Variants in MMP3 observed in about 807,000 individuals in gnomAD.
MMP3 encodes the protein matrix metallopeptidase 3, also known as stromelysin-1.
A neutral mutation model predicts 47.3 loss-of-function variants in MMP3; 46 were observed. The ratio of observed to expected loss-of-function variants is 0.97; its 90% CI spans 0.77 to 1.24. The LOEUF (loss-of-function observed/expected upper bound fraction) is 1.24, where lower values mean the gene tolerates loss of function less well. MMP3 is among the 50% of genes most tolerant of loss of function. The probability of loss-of-function intolerance (pLI) is 0.00; values close to 1 mark genes in which losing one functional copy is unlikely to be tolerated. For synonymous variants in MMP3, 216 were observed against 206.5 expected, an observed-to-expected ratio of 1.05 and a Z score of -0.39; for missense variants, 558 against 565.5, an observed-to-expected ratio of 0.99 and a Z score of 0.13.
At position 102,837,194 on chromosome 11, in the gene MMP3, C is replaced by G. The variant is rs773123925; in HGVS notation, c.1333+104G>C. On this transcript the variant is annotated intron_variant, in intron 9 of 9. Transcript: ENST00000299855. The surrounding 1 kb of genome is among the most constrained non-coding windows in gnomAD (Gnocchi z 4.4). ...ATCAAAATTTTGAGAAGGGAACTGG[C>G]CCTAAGAAACACTTGTTATTAAAAA... The G allele has an allele frequency of 2.2e-5, 18 of 807,420 alleles. No individual in the cohort carries two copies. Among genetic ancestry groups the G allele is most frequent in the Non-Finnish European group, 3.7e-5 (18 of 492,864 alleles). 50.0% of individuals were successfully genotyped at this position (807,420 alleles called of 1,614,324 possible).
rs1859019050 is a variant in MMP3, at chr11:102,842,412, T to C, written c.499+19A>G. 1 of 1,421,448 alleles carries C rather than the reference T, an allele frequency of 7.0e-7. No homozygotes were observed. The allele number at this position is 1,421,448 out of a possible 1,614,324, so 88.1% of individuals were successfully genotyped here. ...TGTTTTGTTTTGTTTTGCTTTTTTT[T>C]TTTTTTTTTTTTTTTTACCTCTAAC... On this transcript the variant is annotated intron_variant, in intron 3 of 9. Coordinates refer to ENST00000299855, the MANE Select transcript of MMP3 (RefSeq NM_002422.5).
Position 102,836,418 on chromosome 11 carries a change from A to G in MMP3, c.1334-192T>C, listed in dbSNP as rs536209537. Reference sequence around the variant, plus strand: ...TTCTGCAACAACCCTATGAGGTTGTATGTCTAACTCCATTTACAGATTGAG... The same window carrying G: ...TTCTGCAACAACCCTATGAGGTTGTGTGTCTAACTCCATTTACAGATTGAG... On this transcript the variant is annotated intron_variant, in intron 9 of 9. Transcript: ENST00000299855. The surrounding 1 kb of genome is among the most constrained non-coding windows in gnomAD (Gnocchi z 4.6). 1.3e-3 allele frequency: 869 copies of G among 654,472 alleles called. 2 individuals are homozygous for G. The highest frequency in any genetic ancestry group is 2.0e-3 in the Non-Finnish European group (699 of 346,066). The allele number at this position is 654,472 out of a possible 1,614,324, so 40.5% of individuals were successfully genotyped here. A position where few individuals can be genotyped will look rare whatever the true frequency, so the allele number is the denominator to read the frequency against.
chr11:102,838,539 CT>C lies in MMP3; in HGVS notation c.1229+11del. On this transcript the variant is annotated intron_variant, in intron 8 of 9. Coordinates refer to ENST00000299855, the MANE Select transcript of MMP3 (RefSeq NM_002422.5). The stretch of plus-strand genomic sequence containing the variant: ...TTAGGCTCCATACAAAGTCATTTCT[CT>C]TGCATCTCACCTCCAGTATTTGTCC... 6.2e-7 allele frequency: 1 copy of C among 1,607,370 alleles called. No homozygotes were observed.
intron 8 of MMP3, 35 bp downstream of exon 8, chr11:102,838,516 A>G (rs1233894564): frequency 3.1e-6 from 5 of 1,591,596 alleles, no homozygotes; most frequent in Non-Finnish European, 3.4e-6. Context: ...TTCCCTAATT[A>G]GGCTCCATAC....
chr11:102,837,193 G>T lies in MMP3; in HGVS notation c.1333+105C>A. The T allele has an allele frequency of 1.3e-6, 1 of 793,714 alleles. No homozygotes were observed. Among genetic ancestry groups the T allele is most frequent in the Non-Finnish European group, 2.1e-6 (1 of 481,332 alleles). 49.2% of individuals were successfully genotyped at this position (793,714 alleles called of 1,614,324 possible). A position where few individuals can be genotyped will look rare whatever the true frequency, so the allele number is the denominator to read the frequency against. On this transcript the variant is annotated intron_variant, in intron 9 of 9. Transcript: ENST00000299855. The surrounding 1 kb of genome is among the most constrained non-coding windows in gnomAD (Gnocchi z 4.4). ...AATCAAAATTTTGAGAAGGGAACTG[G>T]CCCTAAGAAACACTTGTTATTAAAA...
intron 6 of MMP3, among the ~76,000 whole-genome samples, 181 bp from the exon 7 acceptor site, chr11:102,839,424 G>A (rs550531635): frequency 4.2e-4 from 64 of 152,134 alleles, no homozygotes; most frequent in Non-Finnish European, 7.9e-4. Context: ...GAAGACTGTA[G>A]TGAGTCTCCC....
At chr11:102,838,913 CTG>C (rs1858938700) in intron 7 of MMP3, among the ~76,000 whole-genome samples, 195 bp downstream of exon 7, 1 of 152,156 alleles carries the variant, frequency 6.6e-6, no homozygotes, top group Admixed American at 6.5e-5. Flanking sequence ...ATTTACAACT[CTG>C]GGTAATTTAT....
chr11:102,838,044 G>A (rs1555004847), intron 8 of MMP3, among the ~76,000 whole-genome samples: 1 of 152,110 alleles, frequency 6.6e-6, no homozygotes, highest in East Asian at 1.9e-4. Context: ...GTGACAAGTG[G>A]GTGAGGTTAG....
intron 6 of MMP3, 55 bp from the exon 7 acceptor site, chr11:102,839,298 A>G (rs1858949555): frequency 1.9e-6 from 3 of 1,604,634 alleles, no homozygotes; most frequent in South Asian, 1.1e-5. Flanking sequence ...CACCTTTAGA[A>G]TATTTTCCTC....
At chr11:102,839,324 C>T in intron 6 of MMP3, 81 bp from the exon 7 acceptor site, 1 of 1,489,408 alleles carries the variant, frequency 6.7e-7, no homozygotes, top group Non-Finnish European at 9.3e-7. Flanking sequence ...CTTGCCTCAC[C>T]CAGCTTCCCC....
Position 102,843,315 on chromosome 11 carries a change from ACT to A in MMP3, c.105+125_105+126del, listed in dbSNP as rs560287411. The A allele has an allele frequency of 1.2e-3, 816 of 696,642 alleles. 2 individuals are homozygous for A. The African/African-American group carries it at 0.014, about 12-fold the overall frequency. 43.2% of individuals were successfully genotyped at this position (696,642 alleles called of 1,614,324 possible). A position where few individuals can be genotyped will look rare whatever the true frequency, so the allele number is the denominator to read the frequency against. On this transcript the variant is annotated intron_variant, in intron 1 of 9. Coordinates refer to ENST00000299855, the MANE Select transcript of MMP3 (RefSeq NM_002422.5). ...CCTTTTCCACTTCCAACACTCTATA[ACT>A]CTCTATTCTTGAACTGTTCCTACAC... is the stretch of plus-strand genomic sequence containing the variant.
intron 8 of MMP3, 37 bp downstream of exon 8, chr11:102,838,514 T>G: frequency 6.3e-7 from 1 of 1,591,452 alleles, no homozygotes; most frequent in Non-Finnish European, 8.6e-7. Flanking sequence ...ATTTCCCTAA[T>G]TAGGCTCCAT....
intron 3 of MMP3, 26 bp downstream of exon 3, chr11:102,842,405 T>TTTTTTTTTTTTTTTTTTTTTTC: frequency 1.1e-5 from 2 of 180,192 alleles, no homozygotes; most frequent in Non-Finnish European, 1.5e-5. Context: ...TTTGTTTTGC[T>TTTTTTTTTTTTTTTTTTTTTTC]TTTTTTTTTT....
chr11:102,838,268 G>T (rs1476885217), intron 8 of MMP3, among the ~76,000 whole-genome samples: 4 of 152,140 alleles, frequency 2.6e-5, no homozygotes, highest in Non-Finnish European at 5.9e-5. Context: ...GCCAGGACTT[G>T]AAGGATGGGC....
chr11:102,843,401 TG>T, intron 1 of MMP3, 40 bp downstream of exon 1: 1 of 1,452,666 alleles, frequency 6.9e-7, no homozygotes, highest in Non-Finnish European at 9.6e-7. Context: ...CAGCTTACTC[TG>T]GAAGCTCCCC....
At chr11:102,840,969 G>T (rs1858986883) in intron 4 of MMP3, among the ~76,000 whole-genome samples, 1 of 152,002 alleles carries the variant, frequency 6.6e-6, no homozygotes, top group African/African-American at 2.4e-5. Context: ...TCAATGCAAA[G>T]CTAAACACTG....
chr11:102,838,770 T>C (rs1858935714), intron 7 of MMP3, 60 bp from the exon 8 acceptor site: 6 of 1,517,526 alleles, frequency 4.0e-6, no homozygotes, highest in African/African-American at 1.4e-5. Context: ...CCTTTCGCTT[T>C]AGAAATACAC....
chr11:102,840,717 G>A (rs1404886835), intron 4 of MMP3, 124 bp from the exon 5 acceptor site: 4 of 951,706 alleles, frequency 4.2e-6, no homozygotes, highest in Non-Finnish European at 3.1e-6. Context: ...CACCTTGTTT[G>A]TTGGTTAATT....
chr11:102,839,364 G>T, intron 6 of MMP3, 121 bp from the exon 7 acceptor site: 1 of 1,159,052 alleles, frequency 8.6e-7, no homozygotes, highest in Non-Finnish European at 1.2e-6. Context: ...CTGGATGACA[G>T]ATAGAAATCA....
Sources: allele counts gnomAD v4.1 joint callset (sites outside exome capture counted in the v4.1 genomes callset), GRCh38; gene constraint gnomAD v4.1.1; non-coding constraint Gnocchi (gnomAD v3.1); transcripts MANE v1.5; gene names NCBI Gene and HGNC (gene_info 2026-07-23, HGNC 2026-07-21).